CPNE5: variants seen among roughly 807,000 people sequenced by gnomAD.
CPNE5 encodes copine-5.
A neutral mutation model predicts 81.1 loss-of-function variants in CPNE5; 42 were observed. That is an observed-to-expected ratio of 0.52 (90% confidence interval 0.40 to 0.67). The LOEUF (loss-of-function observed/expected upper bound fraction) is 0.67, where lower values mean the gene tolerates loss of function less well. Ranked by LOEUF, CPNE5 falls within the 30% of genes least tolerant of loss-of-function variation. The pLI, the probability that CPNE5 is intolerant of heterozygous loss-of-function variation, is 0.00. For missense variants in CPNE5, 612 were observed against 815.5 expected (o/e 0.75, Z 3.04); for synonymous variants, 313 against 321.5 (o/e 0.97, Z 0.28).
At chr6:36,767,799 G>A (rs1232734980) in intron 10 of CPNE5, among the ~76,000 whole-genome samples, 3 of 152,252 alleles carry the variant, frequency 2.0e-5, no homozygotes, top group African/African-American at 7.2e-5. Context: ...GTTTTGAAAA[G>A]TTCTGTGATG....
At chr6:36,813,250 G>T (rs1163108593) in intron 3 of CPNE5, among the ~76,000 whole-genome samples, 1 of 152,154 alleles carries the variant, frequency 6.6e-6, no homozygotes, top group Non-Finnish European at 1.5e-5. Flanking sequence ...CCTTAAATAG[G>T]CCAGGTGTGG....
intron 10 of CPNE5, among the ~76,000 whole-genome samples, chr6:36,770,402 G>A (rs896743130): frequency 7.9e-5 from 12 of 152,246 alleles, no homozygotes; most frequent in Middle Eastern, 3.4e-3. Flanking sequence ...ATAAGATAAC[G>A]CATTTAAACC....
intron 7 of CPNE5, 99 bp downstream of exon 7, chr6:36,794,491 A>C (rs1406728202): frequency 8.7e-7 from 1 of 1,143,316 alleles, no homozygotes; most frequent in Non-Finnish European, 1.3e-6. Flanking sequence ...CCAAATTCGC[A>C]GTGATGGGAG....
At chr6:36,780,108 C>G (rs1020628393) in intron 8 of CPNE5, among the ~76,000 whole-genome samples, 2 of 152,042 alleles carry the variant, frequency 1.3e-5, no homozygotes, top group Admixed American at 1.3e-4. Context: ...GGACTACAGG[C>G]GCCCGCCACC....
At chr6:36,800,105 G>GGGCTGGTGGGGCC (rs1192388686) in intron 3 of CPNE5, 35 bp from the exon 4 acceptor site, 11 of 1,507,110 alleles carry the variant, frequency 7.3e-6, no homozygotes, top group South Asian at 5.8e-5. Context: ...CCTCAGGGCC[G>GGGCTGGTGGGGCC]GGCTGGTGGG....
At chr6:36,767,873 G>A (rs1471200576) in intron 10 of CPNE5, among the ~76,000 whole-genome samples, 1 of 152,210 alleles carries the variant, frequency 6.6e-6, no homozygotes, top group African/African-American at 2.4e-5. Flanking sequence ...TTCAAACTTG[G>A]TTGCAATTTG....
intron 6 of CPNE5, among the ~76,000 whole-genome samples, chr6:36,796,450 C>A (rs968439901): frequency 6.6e-6 from 1 of 152,214 alleles, no homozygotes; most frequent in Admixed American, 6.5e-5. Context: ...AGCACAGACA[C>A]CCTCCCTCAT....
At chr6:36,797,737 C>T (rs1769720948) in intron 6 of CPNE5, among the ~76,000 whole-genome samples, 1 of 152,208 alleles carries the variant, frequency 6.6e-6, no homozygotes, top group South Asian at 2.1e-4. Context: ...GTACCCAGCT[C>T]TGGCCTACAA....
chr6:36,789,189 G>A (rs991001843), intron 8 of CPNE5, among the ~76,000 whole-genome samples: 18 of 152,212 alleles, frequency 1.2e-4, no homozygotes, highest in African/African-American at 4.3e-4. Context: ...GACAATCTCA[G>A]GAGGAAGGGA....
At chr6:36,801,663 G>T (rs1384130971) in intron 3 of CPNE5, among the ~76,000 whole-genome samples, 1 of 152,110 alleles carries the variant, frequency 6.6e-6, no homozygotes, top group Non-Finnish European at 1.5e-5. Context: ...CTACAACATG[G>T]GTGCACCTTG....
intron 13 of CPNE5, 102 bp downstream of exon 13, chr6:36,756,143 A>G: frequency 1.3e-6 from 1 of 759,538 alleles, no homozygotes; most frequent in East Asian, 3.2e-5. Context: ...TCCCACGCTC[A>G]GCCCCTGCAC....
intron 1 of CPNE5, among the ~76,000 whole-genome samples, chr6:36,826,369 G>T (rs1187856013): frequency 1.3e-5 from 2 of 152,102 alleles, no homozygotes; most frequent in Non-Finnish European, 2.9e-5. Context: ...AGCACCCCAG[G>T]ATAAAGCAAA....
intron 3 of CPNE5, among the ~76,000 whole-genome samples, chr6:36,820,913 C>T (rs1269353313): frequency 6.6e-6 from 1 of 151,666 alleles, no homozygotes; most frequent in Non-Finnish European, 1.5e-5. Context: ...CACCACTGCA[C>T]TCCAGCCCAG....
At chr6:36,756,321 G>T in intron 12 of CPNE5, 23 bp from the exon 13 acceptor site, 1 of 1,610,648 alleles carries the variant, frequency 6.2e-7, no homozygotes, top group Non-Finnish European at 8.5e-7. Flanking sequence ...CCAGTTACCA[G>T]GTAAGGCATG....
Position 36,743,698 on chromosome 6 carries a change from G to A in CPNE5, c.1554C>T (p.Asp518=), listed in dbSNP as rs1763787587. 1.2e-6 allele frequency: 2 copies of A among 1,613,392 alleles called. No homozygotes were observed. Among genetic ancestry groups the A allele is most frequent in the Non-Finnish European group, 1.7e-6 (2 of 1,179,942 alleles). Reference sequence around the variant, plus strand: ...AAGGCCTGGGCTTCACCTGGACGATGTCGCGTTCAGCCAGCTTCCCCCGGG... The same window carrying A: ...AAGGCCTGGGCTTCACCTGGACGATATCGCGTTCAGCCAGCTTCCCCCGGG... ...ISSRGKLAER[D]IVQFVPFRDY... The change falls in exon 20 of 21, where the codon GAC becomes GAT. Residue 518 remains aspartate (D), a synonymous_variant. Coordinates refer to ENST00000244751, the MANE Select transcript of CPNE5 (RefSeq NM_020939.2).
chr6:36,808,591 C>A (rs1471126457), intron 3 of CPNE5, among the ~76,000 whole-genome samples: 1 of 152,144 alleles, frequency 6.6e-6, no homozygotes, highest in Non-Finnish European at 1.5e-5. Context: ...TGCTTACGAT[C>A]TGCCTGAGAC....
At chr6:36,749,587 G>A (rs1582711177) in intron 14 of CPNE5, among the ~76,000 whole-genome samples, 1 of 151,728 alleles carries the variant, frequency 6.6e-6, no homozygotes. Context: ...TGGATATTGG[G>A]AGCCTGAGGT....
In CPNE5 at chr6:36,779,448, G is replaced by A. The variant is rs1404797224; in HGVS notation, c.529-491C>T. ...AGGCCAGTCTGAGCTTGATCTGCAA[G>A]CCCCAAAGCCCTCTCTCTGGCCACA... is the stretch of plus-strand genomic sequence containing the variant. On this transcript the variant is annotated intron_variant, in intron 8 of 20. Transcript: ENST00000244751. Among the ~76,000 whole-genome samples the A allele has an allele frequency of 2.0e-5, 3 of 152,290 alleles. No homozygotes were observed. The East Asian group carries it at 5.8e-4, about 29-fold the overall frequency.
intron 1 of CPNE5, chr6:36,827,492 C>A: frequency 1.0e-6 from 1 of 985,414 alleles, no homozygotes; most frequent in Non-Finnish European, 1.2e-6. Flanking sequence ...CAAGTGGCCG[C>A]CAGAGATCCC....
Sources: allele counts gnomAD v4.1 joint callset (sites outside exome capture counted in the v4.1 genomes callset), GRCh38; gene constraint gnomAD v4.1.1; transcripts MANE v1.5; gene names NCBI Gene and HGNC (gene_info 2026-07-23, HGNC 2026-07-21).